Variants in L3MBTL3 observed in about 807,000 individuals in gnomAD.
L3MBTL3 encodes the protein lethal(3)malignant brain tumor-like protein 3.
In L3MBTL3, 27 loss-of-function variants were observed where a neutral mutation model predicts 102.3. The observed-to-expected ratio is 0.26, with a 90% confidence interval of 0.19 to 0.36. The LOEUF (loss-of-function observed/expected upper bound fraction) is 0.36. Among genes scored for constraint, L3MBTL3 ranks in the 10% least tolerant of loss-of-function variants. L3MBTL3 has a pLI of 1.00. For synonymous variants in L3MBTL3, 340 were observed against 320.9 expected, an observed-to-expected ratio of 1.06 and a Z score of -0.64; for missense variants, 798 against 955.3, an observed-to-expected ratio of 0.84 and a Z score of 2.17.
At chr6:130,083,738 T>A (rs1783505509) in intron 15 of L3MBTL3, 33 bp downstream of exon 15, 2 of 1,063,464 alleles carry the variant, frequency 1.9e-6, no homozygotes, top group Non-Finnish European at 1.4e-6. Flanking sequence ...TTTGCGTGGA[T>A]GAGATCATTT....
intron 18 of L3MBTL3, among the ~76,000 whole-genome samples, chr6:130,097,933 G>A (rs949682792): frequency 3.9e-5 from 6 of 152,080 alleles, no homozygotes; most frequent in African/African-American, 1.4e-4. Context: ...CGGATGTGGT[G>A]GTGCATGCCT....
intron 20 of L3MBTL3, among the ~76,000 whole-genome samples, chr6:130,122,209 A>AT (rs1348580948): frequency 2.0e-5 from 3 of 152,216 alleles, no homozygotes; most frequent in Non-Finnish European, 4.4e-5. Context: ...TTAGATTACT[A>AT]TAAGATTTGA....
intron 9 of L3MBTL3, among the ~76,000 whole-genome samples, chr6:130,058,162 A>AAAAAATAAAATAAAAT (rs1781648336): frequency 6.7e-6 from 1 of 149,204 alleles, no homozygotes; most frequent in African/African-American, 2.4e-5. Context: ...AAAAAAAAAA[A>AAAAAATAAAATAAAAT]AAAAAAAAAA....
In L3MBTL3 at chr6:130,057,674, C is replaced by T. The variant is rs527997099; in HGVS notation, c.759+177C>T. On this transcript the variant is annotated intron_variant, in intron 9 of 22. Coordinates refer to ENST00000361794, the MANE Select transcript of L3MBTL3 (RefSeq NM_032438.4). ...CTGACTTGTGCGTACCTCCCATGTG[C>T]CACACATGTGCCATGTGTGGGTGCA... is the stretch of plus-strand genomic sequence containing the variant. 7.9e-4 allele frequency among the ~76,000 whole-genome samples: 121 copies of T among 152,264 alleles called. No homozygotes were observed. In the Middle Eastern group the frequency reaches 0.01, roughly 13 times the overall value.
At chr6:130,104,712 A>T (rs1315078384) in intron 19 of L3MBTL3, 137 bp downstream of exon 19, 3 of 542,310 alleles carry the variant, frequency 5.5e-6, no homozygotes, top group Non-Finnish European at 8.7e-6. Flanking sequence ...ATGTGAAATG[A>T]TGGTAGAGAT....
Position 130,070,987 on chromosome 6 carries a change from A to T in L3MBTL3, c.1104A>T (p.Pro368=), listed in dbSNP as rs759991369. 6.2e-7 allele frequency: 1 copy of T among 1,612,974 alleles called. No homozygotes were observed. Among genetic ancestry groups the T allele is most frequent in the South Asian group, 1.1e-5 (1 of 91,024 alleles). The stretch of plus-strand genomic sequence containing the variant: ...GTGTGTTTCCATAGACAGTGATCCC[A>T]TCGGGCTTTCGAGTTGGTATGAAGC... ...LFENQNITVI[P]SGFRVGMKLE... Residue 368 remains proline, a synonymous_variant, in exon 13 of 23, where the codon CCA becomes CCT. Coordinates refer to ENST00000361794, the MANE Select transcript of L3MBTL3 (RefSeq NM_032438.4).
intron 2 of L3MBTL3, among the ~76,000 whole-genome samples, chr6:130,030,665 TAAAAAAAAAAAAAA>T (rs548921467): frequency 9.7e-4 from 47 of 48,538 alleles, no homozygotes; most frequent in African/African-American, 2.8e-3. Flanking sequence ...AGACTCTACC[TAAAAAAAAAAAAAA>T]AAAAAAAAAA....
intron 10 of L3MBTL3, among the ~76,000 whole-genome samples, chr6:130,061,565 A>G (rs151310817): frequency 4.6e-5 from 7 of 152,348 alleles, no homozygotes; most frequent in African/African-American, 1.7e-4. Context: ...GTTGTGGAAC[A>G]TTTGTGTAGA....
intron 22 of L3MBTL3, among the ~76,000 whole-genome samples, chr6:130,139,373 G>A (rs1181950727): frequency 6.6e-6 from 1 of 152,132 alleles, no homozygotes; most frequent in Non-Finnish European, 1.5e-5. Context: ...GGCACCTTCT[G>A]TTTTCCTTTG....
intron 19 of L3MBTL3, among the ~76,000 whole-genome samples, chr6:130,112,648 A>G (rs1053762794): frequency 2.0e-5 from 3 of 152,162 alleles, no homozygotes; most frequent in African/African-American, 7.2e-5. Context: ...GGGGATCAGT[A>G]TCTCAGAACA....
intron 6 of L3MBTL3, 134 bp downstream of exon 6, chr6:130,051,542 G>A: frequency 1.4e-6 from 1 of 735,058 alleles, no homozygotes. Flanking sequence ...TTTTCCTTTA[G>A]GGCCACATGG....
chr6:130,127,135 C>T (rs1786659167), intron 20 of L3MBTL3, among the ~76,000 whole-genome samples: 1 of 152,028 alleles, frequency 6.6e-6, no homozygotes, highest in Admixed American at 6.6e-5. Flanking sequence ...TTGGAGCTGC[C>T]CTGAGAAGAA....
At chr6:130,042,240 T>C (rs543132853) in intron 2 of L3MBTL3, among the ~76,000 whole-genome samples, 25 of 152,334 alleles carry the variant, frequency 1.6e-4, no homozygotes, top group Non-Finnish European at 3.7e-4. Context: ...GGGTATTTGC[T>C]GTACATTTTG....
chr6:130,026,909 A>G (rs1000089962), intron 2 of L3MBTL3, among the ~76,000 whole-genome samples: 2 of 152,196 alleles, frequency 1.3e-5, no homozygotes, highest in African/African-American at 4.8e-5. Context: ...AAAGGAAAGA[A>G]GAAAATTAAG....
At position 130,092,803 on chromosome 6, in the gene L3MBTL3, A is replaced by G; in HGVS notation, c.1577A>G (p.Asp526Gly). ...TACTGGATAGATGCAGATTCTCCTG[A>G]TATTCACCCTGTAGGCTGGTGTTCA... Reference protein sequence around the residue: ...YDYWIDADSPDIHPVGWCSKT... With the variant: ...YDYWIDADSPGIHPVGWCSKT... Residue 526 changes from aspartate (D) to glycine (G), a missense_variant, in exon 17 of 23, where the codon GAT (aspartate) becomes GGT (glycine). This residue lies in a region of L3MBTL3 where 306 missense variants were observed against 314.4 expected (regional missense o/e 0.97). Coordinates refer to ENST00000361794, the MANE Select transcript of L3MBTL3 (RefSeq NM_032438.4). 5.6e-6 allele frequency: 9 copies of G among 1,613,424 alleles called. No individual in the cohort carries two copies. Among genetic ancestry groups the G allele is most frequent in the Non-Finnish European group, 7.6e-6 (9 of 1,179,486 alleles).
At chr6:130,032,450 A>G (rs1005242078) in intron 2 of L3MBTL3, among the ~76,000 whole-genome samples, 16 of 152,082 alleles carry the variant, frequency 1.1e-4, no homozygotes, top group Non-Finnish European at 1.8e-4. Flanking sequence ...TCCTGTCTCT[A>G]TGAATAAATA....
At chr6:130,108,545 TTA>T (rs1785144876) in intron 19 of L3MBTL3, among the ~76,000 whole-genome samples, 1 of 152,154 alleles carries the variant, frequency 6.6e-6, no homozygotes, top group African/African-American at 2.4e-5. Context: ...ATGTTAGTTT[TTA>T]TTAGTGTTGT....
intron 18 of L3MBTL3, 78 bp downstream of exon 18, chr6:130,094,445 T>G: frequency 1.3e-6 from 1 of 777,180 alleles, no homozygotes; most frequent in Non-Finnish European, 2.0e-6. Flanking sequence ...TCATATATAC[T>G]AAATTGATGT....
At chr6:130,058,706 C>T (rs1012771442) in intron 9 of L3MBTL3, among the ~76,000 whole-genome samples, 10 of 152,142 alleles carry the variant, frequency 6.6e-5, no homozygotes, top group Non-Finnish European at 1.3e-4. Flanking sequence ...TCAGTTAGGT[C>T]ATTGTAGCAC....
Sources: gnomAD v4.1 joint callset for allele counts (sites outside exome capture counted in the v4.1 genomes callset) on GRCh38, gnomAD v4.1.1 for gene constraint, gnomAD v4.1.1 regional missense constraint, MANE v1.5 for transcripts, NCBI Gene and HGNC (gene_info 2026-07-23, HGNC 2026-07-21) for gene names.